CDYL2: variants seen among roughly 807,000 people sequenced by gnomAD.
The protein encoded by CDYL2 is chromodomain Y like 2, also known as chromodomain Y-like protein 2.
A neutral mutation model predicts 49.4 loss-of-function variants in CDYL2; 23 were observed. The ratio of observed to expected loss-of-function variants is 0.47; its 90% CI spans 0.34 to 0.66. The LOEUF is 0.66. CDYL2 is among the 30% of genes least tolerant of loss of function. CDYL2 has a pLI of 0.01. For missense variants in CDYL2, 678 were observed against 656.4 expected (o/e 1.03, Z -0.36); for synonymous variants, 360 against 268.8 (o/e 1.34, Z -3.32).
At chr16:80,689,136 T>C (rs976487055) in intron 1 of CDYL2, among the ~76,000 whole-genome samples, 1 of 152,228 alleles carries the variant, frequency 6.6e-6, no homozygotes, top group Admixed American at 6.5e-5. Flanking sequence ...ACCAGCTTCT[T>C]TTCTCAAAAA....
chr16:80,626,633 T>G (rs986902703), intron 3 of CDYL2, among the ~76,000 whole-genome samples: 1 of 152,186 alleles, frequency 6.6e-6, no homozygotes, highest in Admixed American at 6.5e-5. Flanking sequence ...TACATAGTGA[T>G]AGAAAACAAG....
chr16:80,725,236 A>G (rs993555960), intron 1 of CDYL2, among the ~76,000 whole-genome samples: 1 of 151,856 alleles, frequency 6.6e-6, no homozygotes, highest in African/African-American at 2.4e-5. Context: ...CCTCACCAAC[A>G]TCTATTCATC....
At chr16:80,671,368 G>T (rs1909500797) in intron 2 of CDYL2, among the ~76,000 whole-genome samples, 1 of 152,194 alleles carries the variant, frequency 6.6e-6, no homozygotes, top group South Asian at 2.1e-4. Context: ...GTCCTTCCAT[G>T]GATGACCTGC....
Position 80,793,291 on chromosome 16 carries a change from G to A in CDYL2, c.24+10859C>T, listed in dbSNP as rs567715522. 1.3e-3 allele frequency among the ~76,000 whole-genome samples: 202 copies of A among 152,328 alleles called. 1 individual carries two copies. Among genetic ancestry groups the A allele is most frequent in the African/African-American group, 4.7e-3 (195 of 41,574 alleles). On this transcript the variant is annotated intron_variant, in intron 1 of 6. Coordinates refer to ENST00000570137, the MANE Select transcript of CDYL2 (RefSeq NM_152342.4). ...CCTCTATCACATGCACACCTTAACAGAGAATGGCCACTCTCAATCCAGTCC... is the reference window on the plus strand; with the variant it reads ...CCTCTATCACATGCACACCTTAACAAAGAATGGCCACTCTCAATCCAGTCC...
intron 1 of CDYL2, among the ~76,000 whole-genome samples, chr16:80,734,245 T>C (rs1421774353): frequency 2.0e-5 from 3 of 152,128 alleles, no homozygotes; most frequent in East Asian, 3.8e-4. Flanking sequence ...ATATTCCTGG[T>C]TGGGGGCCGG....
rs1330054806 is a variant in CDYL2, at chr16:80,804,137, C to A, written c.24+13G>T. On this transcript the variant is annotated intron_variant, in intron 1 of 6. Transcript: ENST00000570137. ...GCTGACTGGGGCCGGCCCGCGCCCC[C>A]GCGTCCCCGTACCTCGTAAAGGTCC... 2.5e-6 allele frequency: 3 copies of A among 1,201,088 alleles called. No homozygotes were observed. The highest frequency in any genetic ancestry group is 3.2e-6 in the Non-Finnish European group (3 of 937,504). 74.4% of individuals were successfully genotyped at this position (1,201,088 alleles called of 1,614,324 possible).
intron 4 of CDYL2, among the ~76,000 whole-genome samples, chr16:80,617,194 C>T (rs1033929671): frequency 6.6e-6 from 1 of 152,182 alleles, no homozygotes; most frequent in Non-Finnish European, 1.5e-5. Flanking sequence ...TCCCAGTCAC[C>T]AGTCCCAGTC....
intron 1 of CDYL2, among the ~76,000 whole-genome samples, chr16:80,788,602 A>T (rs1361330679): frequency 2.0e-5 from 3 of 152,234 alleles, no homozygotes; most frequent in African/African-American, 7.2e-5. Context: ...CAACAAAAGG[A>T]CAGAATTTAG....
At chr16:80,669,849 A>G (rs1041088701) in intron 2 of CDYL2, among the ~76,000 whole-genome samples, 1 of 152,240 alleles carries the variant, frequency 6.6e-6, no homozygotes, top group South Asian at 2.1e-4. Context: ...TGGCTCAGCC[A>G]TGAGGAGAGT....
chr16:80,733,597 G>T (rs559689184), intron 1 of CDYL2, among the ~76,000 whole-genome samples: 1 of 152,282 alleles, frequency 6.6e-6, no homozygotes, highest in East Asian at 1.9e-4. Flanking sequence ...GCCTGAGCAA[G>T]AGGAAATGAA....
intron 1 of CDYL2, among the ~76,000 whole-genome samples, chr16:80,703,154 A>G (rs1442800501): frequency 6.6e-6 from 1 of 152,218 alleles, no homozygotes; most frequent in Non-Finnish European, 1.5e-5. Context: ...GGGCAAAAAG[A>G]GAGGTGGAGA....
chr16:80,804,864 G>A (rs192609100), upstream of CDYL2, among the ~76,000 whole-genome samples: 705 of 151,096 alleles, frequency 4.7e-3, 3 homozygotes, highest in Non-Finnish European at 7.2e-3. Context: ...CAGGGAAGGG[G>A]CCCCAGCCGA....
chr16:80,679,229 T>G (rs138015665), intron 2 of CDYL2, among the ~76,000 whole-genome samples: 1 of 151,858 alleles, frequency 6.6e-6, no homozygotes, highest in Non-Finnish European at 1.5e-5. Flanking sequence ...AACCTGCACA[T>G]TGTACACATG....
At chr16:80,681,777 C>T (rs565080039) in intron 2 of CDYL2, among the ~76,000 whole-genome samples, 1 of 152,326 alleles carries the variant, frequency 6.6e-6, no homozygotes, top group South Asian at 2.1e-4. Flanking sequence ...GCCTTCTCAG[C>T]ATGGGGCCAG....
At chr16:80,719,151 T>TA (rs1372268644) in intron 1 of CDYL2, among the ~76,000 whole-genome samples, 5 of 152,040 alleles carry the variant, frequency 3.3e-5, no homozygotes. Flanking sequence ...GCCCTAGAGA[T>TA]AGAGTGCTGA....
intron 1 of CDYL2, among the ~76,000 whole-genome samples, chr16:80,799,360 A>G (rs1907857890): frequency 6.6e-6 from 1 of 152,044 alleles, no homozygotes; most frequent in Non-Finnish European, 1.5e-5. Context: ...ACACTTCCCC[A>G]CTGTACCGTA....
intron 1 of CDYL2, among the ~76,000 whole-genome samples, chr16:80,711,815 C>G (rs560073196): frequency 2.9e-4 from 44 of 152,148 alleles, no homozygotes; most frequent in African/African-American, 8.2e-4. Flanking sequence ...AATCCTGGGC[C>G]CTTGTCTGAT....
chr16:80,704,821 T>C (rs185280267), intron 1 of CDYL2, among the ~76,000 whole-genome samples: 185 of 152,326 alleles, frequency 1.2e-3, no homozygotes, highest in African/African-American at 4.3e-3. Flanking sequence ...CTGGGGCATG[T>C]TGAGAGATGA....
intron 1 of CDYL2, among the ~76,000 whole-genome samples, chr16:80,721,153 G>C (rs1250664366): frequency 1.3e-5 from 2 of 152,160 alleles, no homozygotes; most frequent in African/African-American, 4.8e-5. Context: ...GTGCTACTAA[G>C]AACAACCAAT....
Sources: gnomAD v4.1 joint callset for allele counts (sites outside exome capture counted in the v4.1 genomes callset) on GRCh38, gnomAD v4.1.1 for gene constraint, MANE v1.5 for transcripts, NCBI Gene and HGNC (gene_info 2026-07-23, HGNC 2026-07-21) for gene names.